The following MAPK10 variants were observed in gnomAD, a reference collection of about 807,000 sequenced individuals.
The protein encoded by MAPK10 is mitogen-activated protein kinase 10, also known as JNK3 alpha protein kinase.
A neutral mutation model predicts 59.3 loss-of-function variants in MAPK10; 25 were observed. The ratio of observed to expected loss-of-function variants is 0.42; its 90% CI spans 0.31 to 0.59. The LOEUF is 0.59. Ranked by LOEUF, MAPK10 falls within the 20% of genes least tolerant of loss-of-function variation. MAPK10 has a pLI of 0.15. For synonymous variants in MAPK10, 190 were observed against 200.5 expected (o/e 0.95, Z 0.44); for missense variants, 351 against 568.9 (o/e 0.62, Z 3.90).
intron 11 of MAPK10, among the ~76,000 whole-genome samples, chr4:86,042,155 T>C (rs773585140): frequency 1.3e-4 from 20 of 152,350 alleles, no homozygotes; most frequent in South Asian, 6.2e-4. Context: ...AATGAGTTCA[T>C]GTCCTTTGCA....
At chr4:86,251,703 G>A (rs1373515495) in intron 2 of MAPK10, among the ~76,000 whole-genome samples, 3 of 127,250 alleles carry the variant, frequency 2.4e-5, no homozygotes, top group East Asian at 2.1e-4. Flanking sequence ...TAATGGGATG[G>A]CTGGGTCAAA....
At chr4:86,349,397 C>A (rs940725074) in intron 2 of MAPK10, among the ~76,000 whole-genome samples, 2 of 152,078 alleles carry the variant, frequency 1.3e-5, no homozygotes, top group Admixed American at 6.5e-5. Flanking sequence ...ATTCTTCTTT[C>A]TTTTGTCAAT....
chr4:86,451,015 A>G (rs1750634021), intron 1 of MAPK10, among the ~76,000 whole-genome samples: 1 of 152,218 alleles, frequency 6.6e-6, no homozygotes, highest in Non-Finnish European at 1.5e-5. Flanking sequence ...TTCAAAGTTA[A>G]GTTTTAGAGA....
At chr4:86,326,230 C>T (rs1172804896) in intron 2 of MAPK10, 1 of 152,132 alleles carries the variant, frequency 6.6e-6, no homozygotes, top group African/African-American at 2.4e-5. Flanking sequence ...AGCAGGGTCT[C>T]GGGTTCACAG....
At chr4:86,182,748 T>C (rs2077193270) in intron 3 of MAPK10, among the ~76,000 whole-genome samples, 1 of 152,134 alleles carries the variant, frequency 6.6e-6, no homozygotes, top group African/African-American at 2.4e-5. Flanking sequence ...CAGAGAAAAT[T>C]CTACATAGGA....
At chr4:86,565,883 C>A (rs1009992755) in intron 1 of MAPK10, among the ~76,000 whole-genome samples, 5 of 152,302 alleles carry the variant, frequency 3.3e-5, no homozygotes, top group Admixed American at 6.5e-5. Flanking sequence ...CTGCTCACCA[C>A]AGACTGGCCT....
chr4:86,494,997 G>C (rs1052425870), intron 1 of MAPK10, among the ~76,000 whole-genome samples: 24 of 149,686 alleles, frequency 1.6e-4, no homozygotes, highest in African/African-American at 5.4e-4. Flanking sequence ...TCTTCCCTAA[G>C]AAACCTTGGC....
chr4:86,345,779 A>G (rs6858306), intron 2 of MAPK10, among the ~76,000 whole-genome samples: 108,726 of 152,108 alleles, frequency 0.71, 39,811 homozygotes, highest in South Asian at 0.9. Context: ...CCCTCTCCAT[A>G]TAAAAACTTT....
At chr4:86,188,848 G>A (rs1193317421) in intron 3 of MAPK10, among the ~76,000 whole-genome samples, 2 of 152,034 alleles carry the variant, frequency 1.3e-5, no homozygotes, top group Admixed American at 1.3e-4. Context: ...TATTACCTAG[G>A]TTTTCTTCCA....
upstream of MAPK10, among the ~76,000 whole-genome samples, chr4:86,364,764 C>A (rs747510535): frequency 6.6e-6 from 1 of 151,864 alleles, no homozygotes; most frequent in South Asian, 2.1e-4. Context: ...GTGGATCACT[C>A]GAGGTCAGGA....
chr4:86,108,897 C>T (rs2056991480), intron 4 of MAPK10, among the ~76,000 whole-genome samples: 1 of 152,112 alleles, frequency 6.6e-6, no homozygotes, highest in South Asian at 2.1e-4. Flanking sequence ...GCATTTTTCC[C>T]CTAAGTCTTT....
At chr4:86,105,978 G>C (rs1410646356) in intron 5 of MAPK10, among the ~76,000 whole-genome samples, 1 of 152,074 alleles carries the variant, frequency 6.6e-6, no homozygotes, top group Non-Finnish European at 1.5e-5. Flanking sequence ...ACATTGACCT[G>C]TCTTATTGTG....
At chr4:86,364,016 A>C (rs1737419722), upstream of MAPK10, among the ~76,000 whole-genome samples, 1 of 152,142 alleles carries the variant, frequency 6.6e-6, no homozygotes, top group Non-Finnish European at 1.5e-5. Context: ...TCCTGAACTC[A>C]TGTGATCCTC....
intron 2 of MAPK10, among the ~76,000 whole-genome samples, chr4:86,242,027 T>TTTG (rs1184856402): frequency 6.6e-6 from 1 of 152,200 alleles, no homozygotes; most frequent in Admixed American, 6.5e-5. Flanking sequence ...GGGGGTCTTT[T>TTTG]TTGTTGTTGT....
chr4:86,365,742 T>C (rs1241956128), intron 1 of MAPK10, among the ~76,000 whole-genome samples: 1 of 152,138 alleles, frequency 6.6e-6, no homozygotes, highest in Non-Finnish European at 1.5e-5. Context: ...TGTATTTAGG[T>C]CTAAAAACAC....
In MAPK10 at chr4:86,464,769, G is replaced by A. The variant is rs573629264; in HGVS notation, c.-262-110125C>T. Among the ~76,000 whole-genome samples, 76 of 150,192 alleles carry A rather than the reference G, an allele frequency of 5.1e-4. 1 individual carries two copies. In the South Asian group the frequency reaches 9.3e-3, roughly 18 times the overall value. On this transcript the variant is annotated intron_variant, in intron 1 of 4. Transcript: ENST00000502302. ...CAGGAGGTGGCGCTTGCAGTGAGCC[G>A]AGATCATACCACTGCACTCCAGGCT...
At chr4:86,528,764 G>A (rs192068382) in intron 1 of MAPK10, among the ~76,000 whole-genome samples, 44 of 152,226 alleles carry the variant, frequency 2.9e-4, no homozygotes, top group Non-Finnish European at 5.4e-4. Context: ...CTGGTGAACG[G>A]TAACCCCCCA....
intron 1 of MAPK10, among the ~76,000 whole-genome samples, chr4:86,576,258 A>C (rs1455806117): frequency 6.6e-6 from 1 of 152,176 alleles, no homozygotes; most frequent in Non-Finnish European, 1.5e-5. Flanking sequence ...GACATCTAAG[A>C]TATTTCTCAG....
chr4:86,141,592 G>C (rs921411452), intron 4 of MAPK10, among the ~76,000 whole-genome samples: 1 of 152,110 alleles, frequency 6.6e-6, no homozygotes, highest in South Asian at 2.1e-4. Context: ...GCCATTCCTG[G>C]GGTAATAATA....
Sources: gnomAD v4.1 joint callset for allele counts (sites outside exome capture counted in the v4.1 genomes callset) on GRCh38, gnomAD v4.1.1 for gene constraint, MANE v1.5 for transcripts, NCBI Gene and HGNC (gene_info 2026-07-23, HGNC 2026-07-21) for gene names.